PDE4B: variants seen among roughly 807,000 people sequenced by gnomAD.
The protein encoded by PDE4B is 3',5'-cyclic-AMP phosphodiesterase 4B.
A neutral mutation model predicts 82.2 loss-of-function variants in PDE4B; 20 were observed. The ratio of observed to expected loss-of-function variants is 0.24; its 90% CI spans 0.17 to 0.35. The LOEUF (loss-of-function observed/expected upper bound fraction) is 0.35, where lower values mean the gene tolerates loss of function less well. PDE4B is among the 10% of genes least tolerant of loss of function. PDE4B has a pLI of 1.00. For missense variants in PDE4B, 655 were observed against 907.2 expected (o/e 0.72, Z 3.57); for synonymous variants, 320 against 318.9 (o/e 1.00, Z -0.04).
intron 3 of PDE4B, among the ~76,000 whole-genome samples, chr1:65,922,414 G>C (rs563523163): frequency 6.6e-6 from 1 of 152,118 alleles, no homozygotes; most frequent in African/African-American, 2.4e-5. Flanking sequence ...TAGCTCCTGA[G>C]TTCTTGGAAC....
At chr1:66,207,094 C>A (rs1047643687) in intron 3 of PDE4B, among the ~76,000 whole-genome samples, 1 of 152,112 alleles carries the variant, frequency 6.6e-6, no homozygotes, top group African/African-American at 2.4e-5. Flanking sequence ...ATAAGCCCAA[C>A]TTATATGGCA....
intron 3 of PDE4B, among the ~76,000 whole-genome samples, chr1:65,976,983 A>G (rs909406697): frequency 6.6e-6 from 1 of 152,158 alleles, no homozygotes; most frequent in Non-Finnish European, 1.5e-5. Context: ...GATAGGATCT[A>G]TTTTTCATCC....
At position 66,363,251 on chromosome 1, in the gene PDE4B, G is replaced by A. The variant is rs1662951598; in HGVS notation, c.1104G>A (p.Met368Ile). Residue 368 changes from methionine to isoleucine, a missense_variant, in exon 11 of 17, where the codon ATG becomes ATA. Around this residue, in one of 3 missense-constraint regions of PDE4B, gnomAD observed 283 missense variants for 516.4 expected, o/e 0.55. Transcript: ENST00000341517. ...ACAATAGACCCCTAACATGCATCAT[G>A]TATGCTATATTCCAGGTGAGTGAAC... is the stretch of plus-strand genomic sequence containing the variant. ...YSHNRPLTCI[M>I]YAIFQERDLL... The A allele has an allele frequency of 1.9e-6, 3 of 1,609,070 alleles. No homozygotes were observed. The highest frequency in any genetic ancestry group is 2.6e-6 in the Non-Finnish European group (3 of 1,175,618).
intron 3 of PDE4B, among the ~76,000 whole-genome samples, chr1:66,203,989 T>C (rs1649290164): frequency 6.6e-6 from 1 of 152,190 alleles, no homozygotes; most frequent in Non-Finnish European, 1.5e-5. Flanking sequence ...TATCTACTTT[T>C]GGTCTTTGAT....
intron 13 of PDE4B, among the ~76,000 whole-genome samples, chr1:66,367,225 C>T (rs1366041420): frequency 6.6e-6 from 1 of 152,144 alleles, no homozygotes; most frequent in Admixed American, 6.5e-5. Flanking sequence ...TTACATCAAG[C>T]ATTATCTTTA....
chr1:66,328,744 A>C (rs1659906799), intron 7 of PDE4B, among the ~76,000 whole-genome samples: 1 of 152,102 alleles, frequency 6.6e-6, no homozygotes, highest in Non-Finnish European at 1.5e-5. Flanking sequence ...GCTGCCCTCC[A>C]TCCCCAATCA....
chr1:66,371,243 A>G (rs1232690991), intron 16 of PDE4B, among the ~76,000 whole-genome samples: 2 of 150,564 alleles, frequency 1.3e-5, no homozygotes, highest in Non-Finnish European at 2.9e-5. Context: ...GAAAGTTTCC[A>G]GTAGTGTGGA....
intron 2 of PDE4B, among the ~76,000 whole-genome samples, chr1:65,918,097 G>A (rs1399706820): frequency 6.6e-5 from 10 of 152,180 alleles, no homozygotes; most frequent in Non-Finnish European, 1.5e-4. Context: ...CCAGGAGGAA[G>A]TGGTTGCAGT....
intron 3 of PDE4B, among the ~76,000 whole-genome samples, chr1:66,245,043 C>T (rs1235942733): frequency 6.6e-6 from 1 of 152,146 alleles, no homozygotes; most frequent in Non-Finnish European, 1.5e-5. Flanking sequence ...TCTAAGAGCT[C>T]GGTGGGCATA....
At chr1:66,004,611 A>G (rs1442593730) in intron 3 of PDE4B, among the ~76,000 whole-genome samples, 2 of 152,124 alleles carry the variant, frequency 1.3e-5, no homozygotes, top group African/African-American at 2.4e-5. Context: ...ATAGATACCA[A>G]TGAAGCACTG....
intron 3 of PDE4B, among the ~76,000 whole-genome samples, chr1:65,944,880 A>G (rs1207549310): frequency 6.6e-6 from 1 of 151,830 alleles, no homozygotes; most frequent in Non-Finnish European, 1.5e-5. Flanking sequence ...TAAATATACC[A>G]CTCAAAGCTA....
At chr1:66,079,166 T>TTCTTTC (rs1656590839) in intron 3 of PDE4B, among the ~76,000 whole-genome samples, 1 of 142,210 alleles carries the variant, frequency 7.0e-6, no homozygotes, top group East Asian at 2.1e-4. Context: ...CCTGCTTCTT[T>TTCTTTC]TCTCTCTCTC....
chr1:65,925,063 C>T (rs931995723), intron 3 of PDE4B, among the ~76,000 whole-genome samples: 3 of 152,190 alleles, frequency 2.0e-5, no homozygotes, highest in Admixed American at 6.5e-5. Flanking sequence ...TATTGCACTG[C>T]AGATATTTTC....
chr1:65,796,978 A>T, intron 1 of PDE4B, among the ~76,000 whole-genome samples: 1 of 129,376 alleles, frequency 7.7e-6, no homozygotes, highest in African/African-American at 2.9e-5. Context: ...TTTGAGATGG[A>T]GTCTCGCTCT....
intron 3 of PDE4B, among the ~76,000 whole-genome samples, chr1:66,238,040 G>C (rs1652598400): frequency 6.6e-6 from 1 of 152,174 alleles, no homozygotes; most frequent in South Asian, 2.1e-4. Flanking sequence ...ATGGGTTAAG[G>C]AAGGAATTTT....
In PDE4B at chr1:65,946,294, A is replaced by G. The variant is rs115050403; in HGVS notation, c.281+27459A>G. The stretch of plus-strand genomic sequence containing the variant: ...GTTATGGTTGATTGCTGCTGGGGTC[A>G]CCTGATTTTATGATTTGTTGGATCT... On this transcript the variant is annotated intron_variant, in intron 3 of 16. Coordinates refer to ENST00000341517, the MANE Select transcript of PDE4B (RefSeq NM_002600.4). Among the ~76,000 whole-genome samples the G allele has an allele frequency of 5.2e-3, 788 of 152,070 alleles. 5 individuals carry two copies. The highest frequency in any genetic ancestry group is 0.018 in the African/African-American group (740 of 41,514).
At chr1:66,176,100 A>G (rs1646926694) in intron 3 of PDE4B, among the ~76,000 whole-genome samples, 1 of 152,216 alleles carries the variant, frequency 6.6e-6, no homozygotes, top group South Asian at 2.1e-4. Flanking sequence ...GATTTCAGGA[A>G]GGGATGTTAG....
intron 3 of PDE4B, among the ~76,000 whole-genome samples, chr1:66,006,969 TA>T (rs202078747): frequency 0.01 from 1,533 of 151,738 alleles, 21 homozygotes; most frequent in African/African-American, 0.035. Flanking sequence ...CTACAAAAAT[TA>T]AAAAAATAAT....
chr1:65,980,710 T>G (rs1261758586), intron 3 of PDE4B, among the ~76,000 whole-genome samples: 1 of 152,124 alleles, frequency 6.6e-6, no homozygotes, highest in Non-Finnish European at 1.5e-5. Flanking sequence ...GTCAGGAAAT[T>G]CAGAAAACTG....
Sources: gnomAD v4.1 joint callset for allele counts (sites outside exome capture counted in the v4.1 genomes callset) on GRCh38, gnomAD v4.1.1 for gene constraint, gnomAD v4.1.1 regional missense constraint, MANE v1.5 for transcripts, NCBI Gene and HGNC (gene_info 2026-07-23, HGNC 2026-07-21) for gene names.